Variants in SLIT3 observed in about 807,000 individuals in gnomAD.
SLIT3 encodes slit guidance ligand 3, also known as slit homolog 3 protein.
SLIT3 carries 68 observed loss-of-function variants against 184.0 expected under a neutral mutation model. The ratio of observed to expected loss-of-function variants is 0.37; its 90% CI spans 0.30 to 0.45. SLIT3 has a LOEUF of 0.45. Among genes scored for constraint, SLIT3 ranks in the 20% least tolerant of loss-of-function variants. SLIT3 has a pLI of 1.00. For synonymous variants in SLIT3, 831 were observed against 828.6 expected (o/e 1.00, Z -0.05); for missense variants, 1,707 against 2,026.0 (o/e 0.84, Z 3.02).
chr5:168,717,896 A>G (rs1033057525), intron 23 of SLIT3, among the ~76,000 whole-genome samples: 1 of 152,002 alleles, frequency 6.6e-6, no homozygotes, highest in African/African-American at 2.4e-5. Context: ...TCCTGACCTC[A>G]TGATCCACCC....
At chr5:168,913,103 T>A (rs1761306686) in intron 4 of SLIT3, among the ~76,000 whole-genome samples, 1 of 152,216 alleles carries the variant, frequency 6.6e-6, no homozygotes, top group Admixed American at 6.5e-5. Flanking sequence ...TCCTTACCAC[T>A]TGCCTGTACT....
chr5:168,986,704 A>G (rs544689629), intron 4 of SLIT3, among the ~76,000 whole-genome samples: 11 of 152,188 alleles, frequency 7.2e-5, no homozygotes, highest in Non-Finnish European at 1.6e-4. Flanking sequence ...GTGGGTTCAC[A>G]TTGTGACTCC....
At chr5:169,193,160 T>A (rs1763613046) in intron 4 of SLIT3, among the ~76,000 whole-genome samples, 1 of 152,100 alleles carries the variant, frequency 6.6e-6, no homozygotes, top group Non-Finnish European at 1.5e-5. Context: ...AAACCCCACC[T>A]CAGGGAATTT....
chr5:169,237,431 A>G (rs1010737001), intron 3 of SLIT3, among the ~76,000 whole-genome samples: 1 of 152,178 alleles, frequency 6.6e-6, no homozygotes, highest in Non-Finnish European at 1.5e-5. Context: ...AATCCCTAGC[A>G]ACCATAGATC....
chr5:168,835,317 C>T (rs1208150496), intron 6 of SLIT3, among the ~76,000 whole-genome samples: 1 of 152,040 alleles, frequency 6.6e-6, no homozygotes, highest in Non-Finnish European at 1.5e-5. Flanking sequence ...TTTCATTCAA[C>T]CCATGGGCCA....
intron 4 of SLIT3, among the ~76,000 whole-genome samples, chr5:169,109,074 G>A (rs1348397407): frequency 6.6e-6 from 1 of 152,204 alleles, no homozygotes; most frequent in African/African-American, 2.4e-5. Context: ...AAGGGGATGG[G>A]ATGTCACTCT....
At chr5:169,249,792 A>G (rs538350421) in intron 2 of SLIT3, among the ~76,000 whole-genome samples, 204 of 152,396 alleles carry the variant, frequency 1.3e-3, no homozygotes, top group African/African-American at 4.7e-3. Context: ...TACTTGACAG[A>G]TACATGGCTG....
chr5:169,108,285 G>C (rs1760291172), intron 4 of SLIT3, among the ~76,000 whole-genome samples: 1 of 152,246 alleles, frequency 6.6e-6, no homozygotes, highest in Admixed American at 6.5e-5. Flanking sequence ...CTGGGTTCAA[G>C]TCCTGGCCCT....
At chr5:169,057,408 G>A (rs79607736) in intron 4 of SLIT3, among the ~76,000 whole-genome samples, 17,511 of 152,242 alleles carry the variant, frequency 0.12, 1,274 homozygotes, top group African/African-American at 0.19. Flanking sequence ...TTAGTGGCCT[G>A]GCACCAGCAT....
At chr5:169,167,241 T>C (rs149521147) in intron 4 of SLIT3, among the ~76,000 whole-genome samples, 116 of 151,228 alleles carry the variant, frequency 7.7e-4, no homozygotes, top group African/African-American at 2.7e-3. Context: ...CTGAATGACT[T>C]CTTGGTTCCA....
intron 1 of SLIT3, among the ~76,000 whole-genome samples, chr5:169,255,757 C>T (rs1765938146): frequency 6.6e-6 from 1 of 152,062 alleles, no homozygotes; most frequent in African/African-American, 2.4e-5. Flanking sequence ...GTGGCGGGTG[C>T]CTGTTGTCCC....
At chr5:169,202,595 C>A (rs746965719) in intron 3 of SLIT3, among the ~76,000 whole-genome samples, 3 of 152,166 alleles carry the variant, frequency 2.0e-5, no homozygotes, top group Non-Finnish European at 4.4e-5. Flanking sequence ...GCCCAATAAT[C>A]CCAGCAGGGA....
chr5:168,970,086 CAGG>C (rs1022940417), intron 4 of SLIT3, among the ~76,000 whole-genome samples: 1 of 152,146 alleles, frequency 6.6e-6, no homozygotes, highest in African/African-American at 2.4e-5. Flanking sequence ...GAGGCTGAGG[CAGG>C]AGAATAGTGT....
chr5:168,910,256 T>C (rs575991645), intron 4 of SLIT3, among the ~76,000 whole-genome samples: 8 of 152,370 alleles, frequency 5.3e-5, no homozygotes, highest in South Asian at 2.1e-4. Context: ...TCTGTTGTCA[T>C]AGAGCAATCA....
At chr5:169,111,679 G>A (rs1760414461) in intron 4 of SLIT3, among the ~76,000 whole-genome samples, 1 of 152,218 alleles carries the variant, frequency 6.6e-6, no homozygotes, top group Non-Finnish European at 1.5e-5. Flanking sequence ...TTGAACCCAG[G>A]AAGTGGAGGT....
intron 4 of SLIT3, among the ~76,000 whole-genome samples, chr5:169,121,199 C>T (rs1425536468): frequency 6.6e-6 from 1 of 152,178 alleles, no homozygotes; most frequent in Non-Finnish European, 1.5e-5. Flanking sequence ...AGCTGTGGCC[C>T]AGAGCCTCAC....
chr5:168,939,858 CTG>C (rs1762278791), intron 4 of SLIT3, among the ~76,000 whole-genome samples: 1 of 152,194 alleles, frequency 6.6e-6, no homozygotes. Context: ...GTGCCTGGCA[CTG>C]TGTTAAAGAT....
intron 4 of SLIT3, among the ~76,000 whole-genome samples, chr5:169,006,868 C>T (rs1404068302): frequency 1.3e-5 from 2 of 152,140 alleles, no homozygotes; most frequent in Non-Finnish European, 2.9e-5. Context: ...GATACACATA[C>T]ATGGTGCCTG....
At chr5:169,055,272 T>C (rs568453870) in intron 4 of SLIT3, among the ~76,000 whole-genome samples, 2 of 152,236 alleles carry the variant, frequency 1.3e-5, no homozygotes, top group Admixed American at 1.3e-4. Context: ...TATTGTAGAT[T>C]AGAAAGATGG....
Sources: gnomAD v4.1 joint callset for allele counts (sites outside exome capture counted in the v4.1 genomes callset) on GRCh38, gnomAD v4.1.1 for gene constraint, MANE v1.5 for transcripts, NCBI Gene and HGNC (gene_info 2026-07-23, HGNC 2026-07-21) for gene names.